Variants in CDC16 observed in about 807,000 individuals in gnomAD.
The protein encoded by CDC16 is cell division cycle protein 16 homolog.
CDC16 carries 34 observed loss-of-function variants against 87.0 expected under a neutral mutation model. The ratio of observed to expected loss-of-function variants is 0.39; its 90% CI spans 0.30 to 0.52. The LOEUF is 0.52. Among genes scored for constraint, CDC16 ranks in the 20% least tolerant of loss-of-function variants. CDC16 has a pLI of 0.74. For missense variants in CDC16, 653 were observed against 751.9 expected (o/e 0.87, Z 1.54); for synonymous variants, 263 against 260.6 (o/e 1.01, Z -0.09).
intron 3 of CDC16, 67 bp downstream of exon 3, chr13:114,236,963 C>T (rs1396640879): frequency 1.1e-5 from 11 of 1,023,642 alleles, no homozygotes; most frequent in Middle Eastern, 2.7e-4. Flanking sequence ...TGGCCGGGCG[C>T]GGTGGCTTAC....
rs763358911 is a variant in CDC16, at chr13:114,242,175, C to T, written c.436C>T (p.Arg146Ter). ...RGKIYDALDN[R>*]TLATYSYKEA... ...GAAAATCTATGATGCTCTAGATAAC[C>T]GAACCCTGGCTACCTACAGCTACAA... Residue 146 changes from arginine to a stop codon, truncating the protein, a stop_gained, in exon 6 of 18, where the codon CGA becomes TGA. Transcript: ENST00000356221. LOFTEE classifies it high-confidence loss of function. The T allele has an allele frequency of 5.6e-6, 9 of 1,613,922 alleles. No homozygotes were observed. The highest frequency in any genetic ancestry group is 1.7e-5 in the Admixed American group (1 of 59,962).
At chr13:114,249,119 T>G (rs536188166) in intron 11 of CDC16, among the ~76,000 whole-genome samples, 2 of 151,984 alleles carry the variant, frequency 1.3e-5, no homozygotes, top group South Asian at 4.2e-4. Context: ...CTTGTTTTCC[T>G]GCAACTAGAT....
intron 15 of CDC16, 36 bp from the exon 16 acceptor site, chr13:114,262,842 CT>C: frequency 6.2e-7 from 1 of 1,611,904 alleles, no homozygotes. Flanking sequence ...GAATTTAGTG[CT>C]TTTACTGTAG....
chr13:114,243,498 C>CA (rs35430682), intron 7 of CDC16, 150 bp downstream of exon 7: 269,133 of 382,360 alleles, frequency 0.7, 79,035 homozygotes, highest in African/African-American at 0.93. Flanking sequence ...CATAAGATTC[C>CA]AAAAAAAAAA....
intron 4 of CDC16, 48 bp from the exon 5 acceptor site, chr13:114,239,302 C>T (rs768657152): frequency 2.1e-5 from 33 of 1,554,988 alleles, no homozygotes; most frequent in Admixed American, 9.3e-5. Flanking sequence ...TCATGTGTTT[C>T]GTGTTAGAAG....
intron 2 of CDC16, 40 bp from the exon 3 acceptor site, chr13:114,236,759 C>T (rs1360081531): frequency 6.2e-7 from 1 of 1,612,182 alleles, no homozygotes; most frequent in African/African-American, 1.3e-5. Flanking sequence ...TTCTATTTCA[C>T]CTTGTACCTC....
chr13:114,258,967 G>A (rs2082673481), intron 13 of CDC16, among the ~76,000 whole-genome samples: 1 of 151,946 alleles, frequency 6.6e-6, no homozygotes, highest in East Asian at 1.9e-4. Context: ...GGATGGTGTT[G>A]TACACCTGTA....
intron 12 of CDC16, among the ~76,000 whole-genome samples, chr13:114,256,735 TAAG>T (rs1175508649): frequency 6.6e-6 from 1 of 152,144 alleles, no homozygotes; most frequent in Non-Finnish European, 1.5e-5. Context: ...GGTGAGTAAA[TAAG>T]AGGAAGACCA....
intron 6 of CDC16, 149 bp downstream of exon 6, chr13:114,242,429 C>T (rs1170871154): frequency 2.4e-5 from 17 of 703,792 alleles, no homozygotes; most frequent in Admixed American, 1.1e-4. Flanking sequence ...ATGTAAAGCA[C>T]GTTGCAGAAT....
Position 114,261,916 on chromosome 13 carries a change from G to C in CDC16, c.1344G>C (p.Leu448Phe). The C allele has an allele frequency of 1.2e-6, 2 of 1,604,702 alleles. No homozygotes were observed. Among genetic ancestry groups the C allele is most frequent in the Non-Finnish European group, 1.7e-6 (2 of 1,176,052 alleles). Residue 448 changes from leucine (L) to phenylalanine (F), a missense_variant, in exon 15 of 18, where the codon TTG (leucine) becomes TTC (phenylalanine). By Grantham distance (22) the Leu-to-Phe change is conservative (BLOSUM62 0). Transcript: ENST00000356221. The stretch of plus-strand genomic sequence containing the variant: ...CAGTTGACAAATGGGAACCTTTGTT[G>C]AACAACTTGGGGCATGTCTGCAGAA... Reference protein sequence around the residue: ...EVTVDKWEPLLNNLGHVCRKL... With the variant: ...EVTVDKWEPLFNNLGHVCRKL...
chr13:114,239,244 C>T, intron 4 of CDC16, 106 bp from the exon 5 acceptor site: 1 of 1,484,658 alleles, frequency 6.7e-7, no homozygotes, highest in Non-Finnish European at 9.1e-7. Context: ...TTAGACATTT[C>T]ACATTTAAAT....
At chr13:114,237,544 G>C (rs572666000) in intron 3 of CDC16, among the ~76,000 whole-genome samples, 68 of 152,104 alleles carry the variant, frequency 4.5e-4, no homozygotes, top group African/African-American at 1.3e-3. Context: ...CTCCCGCCTT[G>C]GTCTCCCAAA....
chr13:114,245,851 A>G, intron 9 of CDC16, 149 bp from the exon 10 acceptor site: 1 of 599,128 alleles, frequency 1.7e-6, no homozygotes, highest in Non-Finnish European at 3.0e-6. Context: ...CTCCAGTTAG[A>G]GAGTTAATTT....
At chr13:114,263,513 C>A (rs1278823134) in intron 16 of CDC16, among the ~76,000 whole-genome samples, 1 of 152,144 alleles carries the variant, frequency 6.6e-6, no homozygotes, top group Non-Finnish European at 1.5e-5. Context: ...TTTTTCCCGG[C>A]ACTTAATTTT....
chr13:114,258,377 C>T (rs2082637207), intron 13 of CDC16, among the ~76,000 whole-genome samples: 1 of 152,226 alleles, frequency 6.6e-6, no homozygotes, highest in Non-Finnish European at 1.5e-5. Flanking sequence ...AGGCAACGCT[C>T]TGCCTTTTTT....
chr13:114,235,245 G>C (rs907788850), intron 1 of CDC16, 113 bp downstream of exon 1: 39 of 696,706 alleles, frequency 5.6e-5, no homozygotes, highest in Non-Finnish European at 7.8e-5. Context: ...GACTGGGCCG[G>C]CCCTGGGCCT....
intron 3 of CDC16, among the ~76,000 whole-genome samples, chr13:114,237,505 T>C (rs1417912996): frequency 6.6e-6 from 1 of 152,128 alleles, no homozygotes; most frequent in Non-Finnish European, 1.5e-5. Flanking sequence ...TTGCCCAGGC[T>C]AGTCTTGAAC....
chr13:114,251,146 G>C (rs1404787557), intron 12 of CDC16, among the ~76,000 whole-genome samples: 1 of 152,084 alleles, frequency 6.6e-6, no homozygotes, highest in African/African-American at 2.4e-5. Context: ...TTGACTGTTT[G>C]GTCTCACCAT....
intron 12 of CDC16, among the ~76,000 whole-genome samples, chr13:114,256,283 C>T (rs1475778876): frequency 6.6e-6 from 1 of 152,018 alleles, no homozygotes; most frequent in Non-Finnish European, 1.5e-5. Flanking sequence ...TTTTGGAGTC[C>T]TTATGCTGCC....
Sources: allele counts gnomAD v4.1 joint callset (sites outside exome capture counted in the v4.1 genomes callset), GRCh38; gene constraint gnomAD v4.1.1; transcripts MANE v1.5; gene names NCBI Gene and HGNC (gene_info 2026-07-23, HGNC 2026-07-21).